Variants in NR3C1 observed in about 807,000 individuals in gnomAD.
NR3C1 encodes the protein glucocorticoid receptor.
In NR3C1, 14 loss-of-function variants were observed where a neutral mutation model predicts 74.0. That is an observed-to-expected ratio of 0.19 (90% CI 0.12 to 0.30). The LOEUF is 0.30. Ranked by LOEUF, NR3C1 falls within the 10% of genes least tolerant of loss-of-function variation. The pLI, the probability that NR3C1 is intolerant of heterozygous loss-of-function variation, is 1.00. For missense variants in NR3C1, 695 were observed against 909.8 expected (o/e 0.76, Z 3.04); for synonymous variants, 308 against 332.5 (o/e 0.93, Z 0.80).
At chr5:143,329,795 C>G (rs1207440089) in intron 2 of NR3C1, among the ~76,000 whole-genome samples, 1 of 152,056 alleles carries the variant, frequency 6.6e-6, no homozygotes, top group African/African-American at 2.4e-5. Context: ...TCTCCAGATA[C>G]AGATAAAAGG....
At chr5:143,328,097 T>C (rs1027067238) in intron 2 of NR3C1, among the ~76,000 whole-genome samples, 4 of 152,242 alleles carry the variant, frequency 2.6e-5, no homozygotes, top group Non-Finnish European at 2.9e-5. Flanking sequence ...TCCTCTTAAA[T>C]ATAGGCACAG....
chr5:143,378,526 T>C (rs1375064956), intron 2 of NR3C1, among the ~76,000 whole-genome samples: 1 of 152,110 alleles, frequency 6.6e-6, no homozygotes, highest in Non-Finnish European at 1.5e-5. Flanking sequence ...ATGCCAGAGG[T>C]GGTGGTCTCA....
chr5:143,398,897 T>C (rs1006671652), intron 2 of NR3C1, among the ~76,000 whole-genome samples: 3 of 152,066 alleles, frequency 2.0e-5, no homozygotes, highest in African/African-American at 4.8e-5. Context: ...AAGCTGAAAA[T>C]TGAAGCTTAA....
At position 143,313,863 on chromosome 5, in the gene NR3C1, A is replaced by G. The variant is rs918953073; in HGVS notation, c.1351+139T>C. The G allele has an allele frequency of 1.0e-5, 8 of 785,900 alleles. No individual in the cohort carries two copies. In the African/African-American group the frequency reaches 1.2e-4, roughly 12 times the overall value. The allele number at this position is 785,900 out of a possible 1,614,324, so 48.7% of individuals were successfully genotyped here. ...TAAATACTTTCCTGCCCATTAGAGG[A>G]CCTAGGAGCCACCCTCCTCTCCCCT... On this transcript the variant is annotated intron_variant, in intron 3 of 8. Transcript: ENST00000394464.
chr5:143,377,435 G>T (rs1321348025), intron 2 of NR3C1, among the ~76,000 whole-genome samples: 2 of 152,182 alleles, frequency 1.3e-5, no homozygotes, highest in Non-Finnish European at 2.9e-5. Context: ...TGATGCTCTG[G>T]GCTATACCTT....
chr5:143,365,001 C>T (rs1832940579), intron 2 of NR3C1, among the ~76,000 whole-genome samples: 1 of 152,106 alleles, frequency 6.6e-6, no homozygotes, highest in Non-Finnish European at 1.5e-5. Flanking sequence ...GCCACTGTGC[C>T]CAACCTAGGC....
intron 2 of NR3C1, among the ~76,000 whole-genome samples, chr5:143,351,928 T>A (rs1208428895): frequency 6.6e-6 from 1 of 152,174 alleles, no homozygotes; most frequent in Non-Finnish European, 1.5e-5. Flanking sequence ...TTTTAGGCTT[T>A]CAGACCAATT....
intron 2 of NR3C1, among the ~76,000 whole-genome samples, chr5:143,325,637 A>C (rs1269887635): frequency 6.6e-6 from 1 of 152,118 alleles, no homozygotes; most frequent in Non-Finnish European, 1.5e-5. Context: ...AGTTACTATT[A>C]CTCTTTTACT....
chr5:143,323,870 G>A (rs1357286916), intron 2 of NR3C1, among the ~76,000 whole-genome samples: 1 of 152,160 alleles, frequency 6.6e-6, no homozygotes, highest in Non-Finnish European at 1.5e-5. Flanking sequence ...CGGGGCCCAT[G>A]CAAGTCTGAA....
intron 2 of NR3C1, among the ~76,000 whole-genome samples, chr5:143,396,125 T>C (rs1022878872): frequency 6.6e-6 from 1 of 151,750 alleles, no homozygotes; most frequent in African/African-American, 2.4e-5. Context: ...CATAGAAACA[T>C]CGTAAGTAAT....
At chr5:143,402,782 G>A in intron 1 of NR3C1, 7 of 985,434 alleles carry the variant, frequency 7.1e-6, no homozygotes, top group Non-Finnish European at 8.4e-6. Flanking sequence ...GGCGCGCCGG[G>A]GTGGCGTGCA....
Position 143,299,026 on chromosome 5 carries a change from TTTAA to T in NR3C1, c.1748-218_1748-215del, listed in dbSNP as rs1431442252. ...TTGTGTTTTTTTTTTTTTTTTTTTT[TTTAA>T]TTGAGACAAAGTCTTGCTCTGTCAC... On this transcript the variant is annotated intron_variant, in intron 5 of 8. Transcript: ENST00000394464. 5.3e-5 allele frequency among the ~76,000 whole-genome samples: 8 copies of T among 150,036 alleles called. 1 individual carries two copies. The highest frequency in any genetic ancestry group is 1.9e-4 in the East Asian group (1 of 5,180).
chr5:143,390,286 T>C (rs1837999148), intron 2 of NR3C1, among the ~76,000 whole-genome samples: 1 of 152,172 alleles, frequency 6.6e-6, no homozygotes, highest in South Asian at 2.1e-4. Context: ...TTTTATATTG[T>C]AGCTATAACT....
intron 2 of NR3C1, among the ~76,000 whole-genome samples, chr5:143,377,740 CT>C (rs1835463693): frequency 6.6e-6 from 1 of 152,220 alleles, no homozygotes; most frequent in African/African-American, 2.4e-5. Context: ...TTTCTGAACA[CT>C]GAACTCGACC....
chr5:143,310,722 G>T (rs1404097016), intron 3 of NR3C1, among the ~76,000 whole-genome samples: 1 of 151,998 alleles, frequency 6.6e-6, no homozygotes, highest in Non-Finnish European at 1.5e-5. Flanking sequence ...TAGTGTAGTG[G>T]CATGACCTCA....
intron 8 of NR3C1, 80 bp from the exon 9 acceptor site, chr5:143,282,121 A>G (rs947232758): frequency 6.7e-7 from 1 of 1,500,284 alleles, no homozygotes; most frequent in African/African-American, 1.4e-5. Flanking sequence ...CTCTATTTTG[A>G]AAAAATTATC....
intron 7 of NR3C1, among the ~76,000 whole-genome samples, chr5:143,294,685 C>T (rs1451192384): frequency 6.6e-6 from 1 of 151,944 alleles, no homozygotes; most frequent in African/African-American, 2.4e-5. Flanking sequence ...TTTTTTTTTG[C>T]TGTCTTCACA....
chr5:143,306,682 C>T (rs1266438387), intron 4 of NR3C1, among the ~76,000 whole-genome samples: 3 of 151,686 alleles, frequency 2.0e-5, no homozygotes, highest in African/African-American at 4.8e-5. Context: ...AAATCATGGC[C>T]CTATTCAAAG....
intron 5 of NR3C1, among the ~76,000 whole-genome samples, chr5:143,299,274 A>G (rs1817972473): frequency 6.6e-6 from 1 of 151,776 alleles, no homozygotes; most frequent in Admixed American, 6.6e-5. Flanking sequence ...TGGGCTTCCC[A>G]AAGTGCTGGG....
Sources: gnomAD v4.1 joint callset for allele counts (sites outside exome capture counted in the v4.1 genomes callset) on GRCh38, gnomAD v4.1.1 for gene constraint, MANE v1.5 for transcripts, NCBI Gene and HGNC (gene_info 2026-07-23, HGNC 2026-07-21) for gene names.